Variants in ADCY1 observed in about 807,000 individuals in gnomAD.
The protein encoded by ADCY1 is adenylate cyclase type 1.
Under a neutral mutation model 105.4 loss-of-function variants are expected in ADCY1, and 28 were observed. The ratio of observed to expected loss-of-function variants is 0.27; its 90% CI spans 0.20 to 0.36. The LOEUF (loss-of-function observed/expected upper bound fraction) is 0.36. Ranked by LOEUF, ADCY1 falls within the 10% of genes least tolerant of loss-of-function variation. The probability of loss-of-function intolerance (pLI) is 1.00; values close to 1 mark genes in which losing one functional copy is unlikely to be tolerated. For missense variants in ADCY1, 977 were observed against 1,434.2 expected (o/e 0.68, Z 5.15); for synonymous variants, 655 against 623.8 (o/e 1.05, Z -0.75).
In ADCY1 at chr7:45,660,886, G is replaced by T. The variant is rs1173456665; in HGVS notation, c.1449+703G>T. ...GTGAGGGGTTCAGGGCTCAGGTGAG[G>T]TGTTCAGGGCTCGTGAGGATGCAGG... On this transcript the variant is annotated intron_variant, in intron 7 of 19. Transcript: ENST00000297323. Among the ~76,000 whole-genome samples, 10 of 151,234 alleles carry T rather than the reference G, an allele frequency of 6.6e-5. No homozygotes were observed. In the East Asian group the frequency reaches 1.8e-3, roughly 27 times the overall value.
At position 45,575,274 on chromosome 7, in the gene ADCY1, G is replaced by T; in HGVS notation, c.639+92G>T. On this transcript the variant is annotated intron_variant, in intron 1 of 19. Transcript: ENST00000297323. This position sits in a 1 kb window ranked among gnomAD's most constrained non-coding sequence, Gnocchi z 4.7. ...CGGAGTCGGGCGCGCTTTTTCCTAT[G>T]CGGCGGGTGGGGACACTGAGGCTCC... 1 of 1,458,050 alleles carries T rather than the reference G, an allele frequency of 6.9e-7. No homozygotes were observed. Among genetic ancestry groups the T allele is most frequent in the Non-Finnish European group, 9.1e-7 (1 of 1,104,258 alleles). 90.3% of individuals were successfully genotyped at this position (1,458,050 alleles called of 1,614,324 possible).
chr7:45,621,918 A>G (rs976265496), intron 3 of ADCY1, among the ~76,000 whole-genome samples: 2 of 152,200 alleles, frequency 1.3e-5, no homozygotes, highest in African/African-American at 4.8e-5. Flanking sequence ...TTCAAAGAGC[A>G]TGTTTTAATA....
At position 45,575,224 on chromosome 7, in the gene ADCY1, T is replaced by C. The variant is rs767939227; in HGVS notation, c.639+42T>C. 3 of 1,529,412 alleles carry C rather than the reference T, an allele frequency of 2.0e-6. No individual in the cohort carries two copies. The highest frequency in any genetic ancestry group is 4.2e-5 in the Admixed American group (2 of 47,364). The allele number at this position is 1,529,412 out of a possible 1,614,324, so 94.7% of individuals were successfully genotyped here. On this transcript the variant is annotated intron_variant, in intron 1 of 19. Transcript: ENST00000297323. The surrounding 1 kb of genome is among the most constrained non-coding windows in gnomAD (Gnocchi z 4.7). Reference sequence around the variant, plus strand: ...ACCCCTCATCTGGTCTCGGACACACTTGCTGGGACGATGCTGGGAATGCCC... The same window carrying C: ...ACCCCTCATCTGGTCTCGGACACACCTGCTGGGACGATGCTGGGAATGCCC...
intron 3 of ADCY1, among the ~76,000 whole-genome samples, chr7:45,619,556 T>G (rs531797993): frequency 6.6e-5 from 10 of 152,046 alleles, no homozygotes; most frequent in African/African-American, 2.4e-4. Flanking sequence ...CACACACACA[T>G]ATACGTAACA....
chr7:45,669,071 C>CA (rs889599596), intron 8 of ADCY1, among the ~76,000 whole-genome samples: 36 of 152,060 alleles, frequency 2.4e-4, no homozygotes, highest in African/African-American at 8.4e-4. Flanking sequence ...TTGATCTTTT[C>CA]AAAAAAACAG....
Position 45,685,029 on chromosome 7 carries a change from C to T in ADCY1, c.2034C>T (p.Phe678=). 3.1e-6 allele frequency: 5 copies of T among 1,614,176 alleles called. No individual in the cohort carries two copies. Among genetic ancestry groups the T allele is most frequent in the Non-Finnish European group, 4.2e-6 (5 of 1,180,016 alleles). Reference sequence around the variant, plus strand: ...AGATTCGCACTGTCCTGTGTATTTTCATAGTGGTCTTAATCTACTCAGTAG... The same window carrying T: ...AGATTCGCACTGTCCTGTGTATTTTTATAGTGGTCTTAATCTACTCAGTAG... ...TIQIRTVLCI[F]IVVLIYSVAQ... is the part of the protein sequence containing the mutation. Residue 678 remains phenylalanine (F), a synonymous_variant, in exon 12 of 20, where the codon TTC becomes TTT. Transcript: ENST00000297323.
intron 14 of ADCY1, among the ~76,000 whole-genome samples, chr7:45,695,099 C>A (rs541091560): frequency 6.6e-6 from 1 of 152,236 alleles, no homozygotes; most frequent in Non-Finnish European, 1.5e-5. Flanking sequence ...TCTCTACATG[C>A]GGCTTGGAAA....
intron 3 of ADCY1, among the ~76,000 whole-genome samples, chr7:45,610,977 T>TG (rs1793564993): frequency 8.9e-6 from 1 of 112,974 alleles, no homozygotes; most frequent in Non-Finnish European, 2.0e-5. Context: ...ATGGTGGAGG[T>TG]GGGGGGTGAT....
chr7:45,701,965 A>G (rs146364452), intron 14 of ADCY1, among the ~76,000 whole-genome samples: 11 of 152,162 alleles, frequency 7.2e-5, no homozygotes, highest in Non-Finnish European at 8.8e-5. Context: ...GGCGCCGTCT[A>G]TCTCCATGGA....
intron 3 of ADCY1, among the ~76,000 whole-genome samples, chr7:45,614,843 A>G (rs1018685135): frequency 6.6e-6 from 1 of 152,228 alleles, no homozygotes; most frequent in Non-Finnish European, 1.5e-5. Flanking sequence ...TTGTAAATAT[A>G]TATGTATTCA....
chr7:45,594,341 A>C (rs1793013321), intron 2 of ADCY1, among the ~76,000 whole-genome samples: 1 of 152,056 alleles, frequency 6.6e-6, no homozygotes, highest in Non-Finnish European at 1.5e-5. Flanking sequence ...ACACAAGGAG[A>C]GATATCTCCT....
chr7:45,713,991 C>G lies in ADCY1; in HGVS notation c.3356C>G (p.Ala1119Gly), dbSNP rs1283781919. ...YLPSAAAGKEA is the reference protein window; with the variant it reads ...YLPSAAAGKEG ...CCCTCTGCAGCAGCTGGGAAGGAGG[C>G]TTAGTGGAGCCCACGTGGGCCTCTG... The change falls in exon 20 of 20, where the codon GCT (alanine) becomes GGT (glycine). Residue 1119 changes from alanine (A) to glycine (G), a missense_variant. Coordinates refer to ENST00000297323, the MANE Select transcript of ADCY1 (RefSeq NM_021116.4). The G allele has an allele frequency of 1.3e-6, 1 of 774,322 alleles. No homozygotes were observed. The highest frequency in any genetic ancestry group is 2.4e-6 in the Non-Finnish European group (1 of 413,856). The allele number at this position is 774,322 out of a possible 1,614,324, so 48.0% of individuals were successfully genotyped here. A position where few individuals can be genotyped will look rare whatever the true frequency, so the allele number is the denominator to read the frequency against.
intron 4 of ADCY1, among the ~76,000 whole-genome samples, chr7:45,642,312 T>C (rs1487930502): frequency 1.3e-5 from 2 of 152,138 alleles, no homozygotes; most frequent in African/African-American, 4.8e-5. Flanking sequence ...GAGTGGGCCC[T>C]GGTTTGTACC....
In ADCY1 at chr7:45,722,071, A is replaced by G; in HGVS notation, c.*8076A>G. The G allele has an allele frequency of 2.7e-6, 1 of 365,256 alleles. No individual in the cohort carries two copies. The highest frequency in any genetic ancestry group is 4.9e-6 in the Non-Finnish European group (1 of 205,060). The allele number at this position is 365,256 out of a possible 1,614,324, so 22.6% of individuals were successfully genotyped here. On this transcript the variant is annotated 3_prime_UTR_variant, in exon 20 of 20. Transcript: ENST00000297323. ...CGACGGCAGCCAGAACTTGTTTCTC[A>G]CCTCCCACCAGCAACCCCCCACCCA... is the stretch of plus-strand genomic sequence containing the variant.
rs1785430128 is a variant in ADCY1, at chr7:45,719,642, T to C, written c.*5647T>C. On this transcript the variant is annotated 3_prime_UTR_variant, in exon 20 of 20. Coordinates refer to ENST00000297323, the MANE Select transcript of ADCY1 (RefSeq NM_021116.4). ...AATCCATGTGTGTGCCTGCATTACA[T>C]GTGTGAACACGTGTTTCTGTCGTGT... The C allele has an allele frequency of 6.6e-6, 1 of 152,266 alleles. No individual in the cohort carries two copies. Among genetic ancestry groups the C allele is most frequent in the Admixed American group, 6.5e-5 (1 of 15,288 alleles). The allele number at this position is 152,266 out of a possible 1,614,324, so 9.4% of individuals were successfully genotyped here.
At chr7:45,711,250 G>A (rs763309776) in intron 19 of ADCY1, among the ~76,000 whole-genome samples, 3 of 152,106 alleles carry the variant, frequency 2.0e-5, no homozygotes, top group Admixed American at 6.5e-5. Flanking sequence ...AAACTAAGAT[G>A]GAGATTGTGA....
chr7:45,664,138 G>C (rs1584316444), intron 8 of ADCY1: 1 of 690,348 alleles, frequency 1.4e-6, no homozygotes, highest in East Asian at 2.7e-5. Flanking sequence ...ATAGGTGGGG[G>C]ATGGGATATT....
rs1042717817 is a variant in ADCY1, at chr7:45,689,567, G to C, written c.2454+2894G>C. Among the ~76,000 whole-genome samples, 8 of 152,126 alleles carry C rather than the reference G, an allele frequency of 5.3e-5. No individual in the cohort carries two copies. The South Asian group carries it at 1.7e-3, about 31-fold the overall frequency. The stretch of plus-strand genomic sequence containing the variant: ...GAGAACTCTGACTATCGCGAGAAAG[G>C]ATAGCACCAAGCCATGAGGTATCCA... On this transcript the variant is annotated intron_variant, in intron 14 of 19. Coordinates refer to ENST00000297323, the MANE Select transcript of ADCY1 (RefSeq NM_021116.4).
At chr7:45,589,615 C>T (rs185524710) in intron 1 of ADCY1, among the ~76,000 whole-genome samples, 30 of 152,160 alleles carry the variant, frequency 2.0e-4, no homozygotes, top group African/African-American at 6.3e-4. Flanking sequence ...TCAATTCCAA[C>T]ACAGTGGATG....
Sources: gnomAD v4.1 joint callset for allele counts (sites outside exome capture counted in the v4.1 genomes callset) on GRCh38, gnomAD v4.1.1 for gene constraint, Gnocchi (gnomAD v3.1) non-coding constraint, MANE v1.5 for transcripts, NCBI Gene and HGNC (gene_info 2026-07-23, HGNC 2026-07-21) for gene names.